The following CUZD1 variants were observed in gnomAD, a reference collection of about 807,000 sequenced individuals.
CUZD1 encodes CUB and zona pellucida like domains 1.
In CUZD1, 42 loss-of-function variants were observed where a neutral mutation model predicts 53.1. The observed-to-expected ratio is 0.79, with a 90% CI of 0.62 to 1.02. The LOEUF (loss-of-function observed/expected upper bound fraction) is 1.02, where lower values mean the gene tolerates loss of function less well. Among genes scored for constraint, CUZD1 ranks in the 50% least tolerant of loss-of-function variants. CUZD1 has a pLI of 0.00. For missense variants in CUZD1, 670 were observed against 715.7 expected (o/e 0.94, Z 0.73); for synonymous variants, 238 against 257.2 (o/e 0.93, Z 0.71).
rs764921462 is a variant in CUZD1, at chr10:122,841,279, G to T, written c.132C>A (p.Thr44=). 2 of 1,613,868 alleles carry T rather than the reference G, an allele frequency of 1.2e-6. No individual in the cohort carries two copies. Among genetic ancestry groups the T allele is most frequent in the Admixed American group, 3.3e-5 (2 of 60,000 alleles). Residue 44 remains threonine, a synonymous_variant, in exon 2 of 9, where the codon ACC becomes ACA. Coordinates refer to ENST00000392790, the MANE Select transcript of CUZD1 (RefSeq NM_022034.6). ...TGAGTTGCAGGATCATGGCTTTGTG[G>T]GTCTCTGCCATATTGGCACCCCCTA... The part of the protein sequence containing the change: ...VSLGGANMAE[T]HKAMILQLNP...
chr10:122,845,460 A>C (rs1847421680), intron 1 of CUZD1, among the ~76,000 whole-genome samples: 1 of 152,228 alleles, frequency 6.6e-6, no homozygotes, highest in Non-Finnish European at 1.5e-5. Flanking sequence ...TGTAGTTTAC[A>C]ATTATGTAAG....
Position 122,832,378 on chromosome 10 carries a change from A to C in CUZD1, c.1724T>G (p.Met575Arg). 1.2e-6 allele frequency: 2 copies of C among 1,614,170 alleles called. No individual in the cohort carries two copies. Among genetic ancestry groups the C allele is most frequent in the Non-Finnish European group, 1.7e-6 (2 of 1,179,990 alleles). Residue 575 changes from methionine (M) to arginine (R), a missense_variant, in exon 9 of 9, where the codon ATG (methionine) becomes AGG (arginine). By Grantham distance (91) the Met-to-Arg change is moderately conservative (BLOSUM62 -1). Coordinates refer to ENST00000392790, the MANE Select transcript of CUZD1 (RefSeq NM_022034.6). The stretch of plus-strand genomic sequence containing the variant: ...AGTCACCACATTCAGAGCTAGAACC[A>C]TGAAGGAAAACAGATGCACACTGTT... Reference protein sequence around the residue: ...PFNSVHLFSFMVLALNVVTVA... With the variant: ...PFNSVHLFSFRVLALNVVTVA...
At chr10:122,843,546 T>C (rs745433076) in intron 1 of CUZD1, among the ~76,000 whole-genome samples, 2 of 152,188 alleles carry the variant, frequency 1.3e-5, no homozygotes, top group Non-Finnish European at 2.9e-5. Flanking sequence ...TTTCAATTCA[T>C]GGTTGGTTGA....
chr10:122,836,146 G>A (rs1240529614), intron 6 of CUZD1, 32 bp downstream of exon 6: 5 of 1,568,504 alleles, frequency 3.2e-6, no homozygotes, highest in Non-Finnish European at 4.3e-6. Context: ...CTCAGCATTT[G>A]ACAAAATCCA....
chr10:122,844,708 A>T (rs1251110370), intron 1 of CUZD1, among the ~76,000 whole-genome samples: 5 of 152,300 alleles, frequency 3.3e-5, no homozygotes, highest in Admixed American at 1.3e-4. Flanking sequence ...TTTCTATAAA[A>T]TTTTTAAAAA....
rs138679667 is a variant in CUZD1, at chr10:122,841,524, C to T, written c.83-196G>A. On this transcript the variant is annotated intron_variant, in intron 1 of 8. Transcript: ENST00000392790. ...ACCCTTTGAGGAGAAGTATTTTTAA[C>T]TTCTCTACATATAGAGACTATATTA... Among the ~76,000 whole-genome samples the T allele has an allele frequency of 4.0e-4, 61 of 152,358 alleles. 1 individual carries two copies. The highest frequency in any genetic ancestry group is 1.3e-3 in the African/African-American group (56 of 41,582).
Position 122,839,177 on chromosome 10 carries a change from G to A in CUZD1, c.288C>T (p.Thr96=). The A allele has an allele frequency of 1.2e-6, 2 of 1,614,132 alleles. No individual in the cohort carries two copies. The change falls in exon 3 of 9, where the codon ACC becomes ACT. Residue 96 remains threonine, a synonymous_variant. Transcript: ENST00000392790. The part of the protein sequence containing the change: ...ESENIKVFDG[T]SSNGPLLGQV... ...GCCCTAGCAGAGGCCCATTGCTGGA[G>A]GTTCCGTCAAAGACTTTAATGTTTT...
rs752191102 is a variant in CUZD1, at chr10:122,841,281, T to C, written c.130A>G (p.Thr44Ala). The C allele has an allele frequency of 6.2e-7, 1 of 1,613,964 alleles. No individual in the cohort carries two copies. Among genetic ancestry groups the C allele is most frequent in the South Asian group, 1.1e-5 (1 of 91,046 alleles). Residue 44 changes from threonine to alanine, a missense_variant, in exon 2 of 9, where the codon ACC (threonine) becomes GCC (alanine). By Grantham distance (58) the Thr-to-Ala change is moderately conservative. Transcript: ENST00000392790. ...VSLGGANMAETHKAMILQLNP... is the reference protein window; with the variant it reads ...VSLGGANMAEAHKAMILQLNP... ...AGTTGCAGGATCATGGCTTTGTGGG[T>C]CTCTGCCATATTGGCACCCCCTAGA...
chr10:122,839,392 A>C lies in CUZD1; in HGVS notation c.234-161T>G, dbSNP rs111772324. On this transcript the variant is annotated intron_variant, in intron 2 of 8. Coordinates refer to ENST00000392790, the MANE Select transcript of CUZD1 (RefSeq NM_022034.6). The stretch of plus-strand genomic sequence containing the variant: ...AATCACCAACCCCACCATCCTCAAC[A>C]TCAAACCACAAACTGTCAACTTTAA... Among the ~76,000 whole-genome samples the C allele has an allele frequency of 4.3e-4, 66 of 152,298 alleles. 1 individual carries two copies. The highest frequency in any genetic ancestry group is 1.4e-3 in the African/African-American group (59 of 41,568).
intron 1 of CUZD1, among the ~76,000 whole-genome samples, chr10:122,843,298 T>A (rs1847372872): frequency 6.6e-6 from 1 of 152,214 alleles, no homozygotes; most frequent in South Asian, 2.1e-4. Context: ...TGTCCACGAA[T>A]GATTGGTTCC....
intron 6 of CUZD1, among the ~76,000 whole-genome samples, chr10:122,835,593 T>C (rs975318771): frequency 6.6e-6 from 1 of 152,196 alleles, no homozygotes; most frequent in Non-Finnish European, 1.5e-5. Flanking sequence ...TCAATTCCTC[T>C]GGATTAACCC....
chr10:122,836,442 A>G lies in CUZD1; in HGVS notation c.818-92T>C, dbSNP rs1037769672. ...GAGCTACGTGTGCAAGTAAATATAT[A>G]AAAAGTCAAAACCATTTTGCCCTAA... On this transcript the variant is annotated intron_variant, in intron 5 of 8. Transcript: ENST00000392790. 67 of 1,134,786 alleles carry G rather than the reference A, an allele frequency of 5.9e-5. No individual in the cohort carries two copies. The African/African-American group carries it at 9.7e-4, about 16-fold the overall frequency. 70.3% of individuals were successfully genotyped at this position (1,134,786 alleles called of 1,614,324 possible).
At chr10:122,844,319 A>G (rs1847398903) in intron 1 of CUZD1, among the ~76,000 whole-genome samples, 1 of 152,074 alleles carries the variant, frequency 6.6e-6, no homozygotes, top group Non-Finnish European at 1.5e-5. Flanking sequence ...TGTAGGCTTG[A>G]GCCATCATGC....
At position 122,839,130 on chromosome 10, in the gene CUZD1, T is replaced by C. The variant is rs148941738; in HGVS notation, c.335A>G (p.Tyr112Cys). ...LLGQVCSKNDYVPVFESSSST... is the reference protein window; with the variant it reads ...LLGQVCSKNDCVPVFESSSST... ...GGATGATGATTCAAATACAGGAACATAGTCGTTTTTACTGCAGACTTGCCC... is the reference window on the plus strand; with the variant it reads ...GGATGATGATTCAAATACAGGAACACAGTCGTTTTTACTGCAGACTTGCCC... Residue 112 changes from tyrosine (Y) to cysteine (C), a missense_variant, in exon 3 of 9, where the codon TAT becomes TGT. By Grantham distance (194) the Tyr-to-Cys change is radical. Coordinates refer to ENST00000392790, the MANE Select transcript of CUZD1 (RefSeq NM_022034.6). 5.2e-5 allele frequency: 84 copies of C among 1,614,034 alleles called. No individual in the cohort carries two copies. Among genetic ancestry groups the C allele is most frequent in the Non-Finnish European group, 6.9e-5 (81 of 1,179,984 alleles).
At chr10:122,844,776 A>C (rs1847410153) in intron 1 of CUZD1, among the ~76,000 whole-genome samples, 1 of 152,172 alleles carries the variant, frequency 6.6e-6, no homozygotes, top group Non-Finnish European at 1.5e-5. Context: ...AAATAAAATT[A>C]GTACTAATTC....
At chr10:122,842,195 C>T (rs993765326) in intron 1 of CUZD1, among the ~76,000 whole-genome samples, 2 of 152,158 alleles carry the variant, frequency 1.3e-5, no homozygotes, top group Non-Finnish European at 2.9e-5. Context: ...ACTCTTTGCT[C>T]AACCCCAGGT....
Position 122,839,195 on chromosome 10 carries a change from A to C in CUZD1, c.270T>G (p.Ile90Met). The C allele has an allele frequency of 6.2e-7, 1 of 1,614,074 alleles. No individual in the cohort carries two copies. Among genetic ancestry groups the C allele is most frequent in the African/African-American group, 1.3e-5 (1 of 75,030 alleles). ...DPDGSCESEN[I>M]KVFDGTSSNG... ...TGCTGGAGGTTCCGTCAAAGACTTT[A>C]ATGTTTTCACTTTCACAGCTTCCAT... is the stretch of plus-strand genomic sequence containing the variant. Residue 90 changes from isoleucine to methionine, a missense_variant, in exon 3 of 9, where the codon ATT (isoleucine) becomes ATG (methionine). Coordinates refer to ENST00000392790, the MANE Select transcript of CUZD1 (RefSeq NM_022034.6).
chr10:122,840,602 GCA>G (rs1847325873), intron 2 of CUZD1, among the ~76,000 whole-genome samples: 1 of 152,132 alleles, frequency 6.6e-6, no homozygotes. Context: ...GAGCGTCTCT[GCA>G]GGGCGGAGTC....
intron 1 of CUZD1, among the ~76,000 whole-genome samples, chr10:122,844,616 C>A (rs1847404909): frequency 6.6e-6 from 1 of 152,050 alleles, no homozygotes; most frequent in Non-Finnish European, 1.5e-5. Context: ...ACCTGTAATC[C>A]CAGCACTTTG....
Sources: gnomAD v4.1 joint callset for allele counts (sites outside exome capture counted in the v4.1 genomes callset) on GRCh38, gnomAD v4.1.1 for gene constraint, MANE v1.5 for transcripts, NCBI Gene and HGNC (gene_info 2026-07-23, HGNC 2026-07-21) for gene names.